BAZ2A: variants seen among roughly 807,000 people sequenced by gnomAD.
BAZ2A encodes bromodomain adjacent to zinc finger domain protein 2A.
BAZ2A carries 34 observed loss-of-function variants against 199.9 expected under a neutral mutation model. The observed-to-expected ratio is 0.17, with a 90% CI of 0.13 to 0.23. The LOEUF (loss-of-function observed/expected upper bound fraction) is 0.23, where lower values mean the gene tolerates loss of function less well. Among genes scored for constraint, BAZ2A ranks in the 10% least tolerant of loss-of-function variants. The pLI is 1.00. For synonymous variants in BAZ2A, 857 were observed against 883.9 expected (o/e 0.97, Z 0.54); for missense variants, 2,002 against 2,391.1 (o/e 0.84, Z 3.39).
At chr12:56,613,564 C>T (rs1352378007) in intron 4 of BAZ2A, among the ~76,000 whole-genome samples, 1 of 152,138 alleles carries the variant, frequency 6.6e-6, no homozygotes, top group Non-Finnish European at 1.5e-5. Flanking sequence ...GAGACCTATG[C>T]AAAATTCTAG....
chr12:56,606,755 T>C, intron 10 of BAZ2A, 22 bp from the exon 11 acceptor site: 1 of 1,599,080 alleles, frequency 6.3e-7, no homozygotes, highest in African/African-American at 1.3e-5. Context: ...GAAAGAAAAA[T>C]GAAACAAGTG....
rs774112474 is a variant in BAZ2A at position 56,614,071 on chromosome 12, G to A, written c.798C>T (p.Val266=). Residue 266 remains valine, a synonymous_variant, in exon 4 of 29, where the codon GTC becomes GTT. Transcript: ENST00000549884. Reference sequence around the variant, plus strand: ...AGCTCACTGTGGGGTCAGGGACCAGGACTGAGACCTCTTGGTGTAACGATT... The same window carrying A: ...AGCTCACTGTGGGGTCAGGGACCAGAACTGAGACCTCTTGGTGTAACGATT... ...SVESLHQEVS[V]LVPDPTVSCL... The A allele has an allele frequency of 6.2e-7, 1 of 1,614,006 alleles. No individual in the cohort carries two copies. Among genetic ancestry groups the A allele is most frequent in the Admixed American group, 1.7e-5 (1 of 60,032 alleles).
chr12:56,628,177 C>CAAAAAAAAAAAAAAAAAA (rs57372528), intron 1 of BAZ2A, among the ~76,000 whole-genome samples: 3 of 28,366 alleles, frequency 1.1e-4, no homozygotes, highest in Non-Finnish European at 2.1e-4. Context: ...AACTCCGTCT[C>CAAAAAAAAAAAAAAAAAA]AAAAAAAAAA....
At chr12:56,605,809 C>A in intron 13 of BAZ2A, 21 bp downstream of exon 13, 1 of 1,592,414 alleles carries the variant, frequency 6.3e-7, no homozygotes, top group South Asian at 1.1e-5. Context: ...GACCCAGGAA[C>A]TGTTACTCTC....
rs762971627 is a variant in BAZ2A at position 56,600,667 on chromosome 12, C to T, written c.4602+14G>A. Reference sequence around the variant, plus strand: ...TTTCCCCAACCTTCCTACACAGTGCCAATCCCAGCATACCCGAATCTGCAG... The same window carrying T: ...TTTCCCCAACCTTCCTACACAGTGCTAATCCCAGCATACCCGAATCTGCAG... On this transcript the variant is annotated intron_variant, in intron 23 of 28. Transcript: ENST00000549884. 21 of 1,610,946 alleles carry T rather than the reference C, an allele frequency of 1.3e-5. No homozygotes were observed. The Admixed American group carries it at 3.3e-4, about 26-fold the overall frequency.
At chr12:56,623,064 GTC>G (rs1417148454) in intron 1 of BAZ2A, among the ~76,000 whole-genome samples, 2 of 151,994 alleles carry the variant, frequency 1.3e-5, no homozygotes, top group African/African-American at 4.8e-5. Context: ...GTGAAACCCT[GTC>G]TCTACTAAAA....
At position 56,599,739 on chromosome 12, in the gene BAZ2A, G is replaced by T; in HGVS notation, c.5135C>A (p.Pro1712Gln). The change falls in exon 26 of 29, where the codon CCA becomes CAA. Residue 1712 changes from proline (P) to glutamine (Q), a missense_variant. Pro to Gln is a moderately conservative substitution (Grantham distance 76). Around this residue, in one of 6 missense-constraint regions of BAZ2A, gnomAD observed 122 missense variants for 123.0 expected, o/e 0.99. Transcript: ENST00000549884. Reference protein sequence around the residue: ...YCHRPKMEAVPEGDWFCTVCL... With the variant: ...YCHRPKMEAVQEGDWFCTVCL... ...GACAGTACAGAACCAATCTCCTTCTGGGACAGCCTCCATCTTGGGACGATG... is the reference window on the plus strand; with the variant it reads ...GACAGTACAGAACCAATCTCCTTCTTGGACAGCCTCCATCTTGGGACGATG... 1 of 1,613,954 alleles carries T rather than the reference G, an allele frequency of 6.2e-7. No individual in the cohort carries two copies. The highest frequency in any genetic ancestry group is 8.5e-7 in the Non-Finnish European group (1 of 1,179,888).
intron 1 of BAZ2A, among the ~76,000 whole-genome samples, chr12:56,622,334 T>G (rs750587821): frequency 6.6e-6 from 1 of 151,626 alleles, no homozygotes; most frequent in Non-Finnish European, 1.5e-5. Context: ...AGCAACACTC[T>G]ATCTCCAAAA....
At chr12:56,610,041 AC>A (rs1456839117) in intron 9 of BAZ2A, 72 bp downstream of exon 9, 2 of 1,601,272 alleles carry the variant, frequency 1.2e-6, no homozygotes, top group East Asian at 2.2e-5. Flanking sequence ...TTCAAACCCC[AC>A]GAGAGGAAGC....
upstream of BAZ2A, among the ~76,000 whole-genome samples, chr12:56,633,057 C>G (rs966899199): frequency 6.6e-6 from 1 of 152,094 alleles, no homozygotes; most frequent in African/African-American, 2.4e-5. Flanking sequence ...AGGAGAGTCT[C>G]CAGGGAATAG....
At chr12:56,636,045 G>C in intron 1 of BAZ2A, 1 of 1,099,226 alleles carries the variant, frequency 9.1e-7, no homozygotes, top group Non-Finnish European at 1.3e-6. Flanking sequence ...TGAGCCCTGT[G>C]CCCCCCGTCC....
At chr12:56,624,923 T>A (rs1951033599) in intron 1 of BAZ2A, among the ~76,000 whole-genome samples, 1 of 152,162 alleles carries the variant, frequency 6.6e-6, no homozygotes, top group Admixed American at 6.5e-5. Flanking sequence ...ACGTAAGCTC[T>A]GAATTAATAA....
At chr12:56,631,450 C>CA (rs529753732), upstream of BAZ2A, among the ~76,000 whole-genome samples, 7,915 of 81,362 alleles carry the variant, frequency 0.097, 351 homozygotes, top group Middle Eastern at 0.2. Flanking sequence ...GACTCTATCT[C>CA]AAAAAAAAAA....
chr12:56,629,629 G>A (rs1031465708), intron 1 of BAZ2A, among the ~76,000 whole-genome samples: 5 of 152,110 alleles, frequency 3.3e-5, no homozygotes, highest in African/African-American at 7.2e-5. Context: ...CTCCCCGAGG[G>A]AGACACCCTC....
chr12:56,634,341 T>C (rs1951393256), upstream of BAZ2A, among the ~76,000 whole-genome samples: 1 of 151,902 alleles, frequency 6.6e-6, no homozygotes, highest in African/African-American at 2.4e-5. Flanking sequence ...GGAGGGGCCT[T>C]CCTAGGCTGC....
chr12:56,636,367 T>G, upstream of BAZ2A: 2 of 1,350,236 alleles, frequency 1.5e-6, no homozygotes, highest in Non-Finnish European at 1.9e-6. Context: ...GTGATGTCCC[T>G]GTGTGACAGA....
chr12:56,610,545 G>A (rs749997775), intron 7 of BAZ2A, 28 bp from the exon 8 acceptor site: 19 of 1,590,712 alleles, frequency 1.2e-5, no homozygotes, highest in Non-Finnish European at 1.5e-5. Context: ...GGGCCCTGCC[G>A]CCAGGTCACA....
Position 56,600,977 on chromosome 12 carries a change from G to T in BAZ2A, c.4416C>A (p.Asp1472Glu), listed in dbSNP as rs775087226. The T allele has an allele frequency of 1.9e-6, 3 of 1,613,358 alleles. No individual in the cohort carries two copies. Among genetic ancestry groups the T allele is most frequent in the Non-Finnish European group, 2.5e-6 (3 of 1,179,644 alleles). Residue 1472 changes from aspartate to glutamate, a missense_variant, in exon 22 of 29, where the codon GAC becomes GAA. Asp to Glu is a conservative substitution (Grantham distance 45). Transcript: ENST00000549884. ...ALHKHLNKHRDFLQEVCLRPS... is the reference protein window; with the variant it reads ...ALHKHLNKHREFLQEVCLRPS... The stretch of plus-strand genomic sequence containing the variant: ...GCCGCAGGCAGACTTCCTGCAAGAA[G>T]TCCCTGTGCTTGTTAAGGTGTTTGT...
intron 10 of BAZ2A, among the ~76,000 whole-genome samples, chr12:56,609,205 G>T (rs1171246683): frequency 6.6e-6 from 1 of 151,778 alleles, no homozygotes. Flanking sequence ...ACAGGGCCTT[G>T]CTCTGTTGCC....
Sources: allele counts gnomAD v4.1 joint callset (sites outside exome capture counted in the v4.1 genomes callset), GRCh38; gene constraint gnomAD v4.1.1; regional missense constraint gnomAD v4.1.1; transcripts MANE v1.5; gene names NCBI Gene and HGNC (gene_info 2026-07-23, HGNC 2026-07-21).